The following CACNB2 variants were observed in gnomAD, a reference collection of about 807,000 sequenced individuals.
CACNB2 encodes the protein voltage-dependent L-type calcium channel subunit beta-2.
A neutral mutation model predicts 73.3 loss-of-function variants in CACNB2; 42 were observed. The observed-to-expected ratio is 0.57, with a 90% CI of 0.45 to 0.74. The LOEUF (loss-of-function observed/expected upper bound fraction) is 0.74. Among genes scored for constraint, CACNB2 ranks in the 30% least tolerant of loss-of-function variants. CACNB2 has a pLI of 0.00. For synonymous variants in CACNB2, 348 were observed against 310.3 expected (o/e 1.12, Z -1.28); for missense variants, 940 against 853.0 (o/e 1.10, Z -1.27).
chr10:18,498,207 A>G (rs1345752448), intron 3 of CACNB2, 148 bp from the exon 4 acceptor site: 4 of 928,630 alleles, frequency 4.3e-6, no homozygotes, highest in Non-Finnish European at 6.7e-6. Context: ...TTGAATACGA[A>G]CAAGCTGTTT....
Position 18,223,679 on chromosome 10 carries a change from T to C in CACNB2, c.213+72704T>C, listed in dbSNP as rs190849367. On this transcript the variant is annotated intron_variant, in intron 2 of 13. Coordinates refer to ENST00000324631, the MANE Select transcript of CACNB2 (RefSeq NM_201596.3). ...TGGTAACTAACAAAACATTTAAAAG[T>C]ACTACAGTCTTTTTCTTTCATCACC... 2.6e-5 allele frequency among the ~76,000 whole-genome samples: 4 copies of C among 152,294 alleles called. No homozygotes were observed. In the East Asian group the frequency reaches 7.7e-4, roughly 29 times the overall value.
At chr10:18,185,514 T>C (rs1476073821) in intron 2 of CACNB2, among the ~76,000 whole-genome samples, 1 of 152,210 alleles carries the variant, frequency 6.6e-6, no homozygotes, top group Non-Finnish European at 1.5e-5. Flanking sequence ...CCTGGAAATG[T>C]TGAAAGGAAT....
intron 1 of CACNB2, 100 bp downstream of exon 1, chr10:18,140,956 C>T: frequency 6.6e-7 from 1 of 1,523,534 alleles, no homozygotes; most frequent in Non-Finnish European, 8.8e-7. Flanking sequence ...TCTCTAGCCT[C>T]GCACCTCCTC....
rs2054074655 is a variant in CACNB2, at chr10:18,541,664, C to T, written c.*1940C>T. Reference sequence around the variant, plus strand: ...TCACCTGAGGTCAGGAGTTCAAGACCAGCCTGGCCAACGTGGCGAAACCCC... The same window carrying T: ...TCACCTGAGGTCAGGAGTTCAAGACTAGCCTGGCCAACGTGGCGAAACCCC... On this transcript the variant is annotated 3_prime_UTR_variant, in exon 14 of 14. Coordinates refer to ENST00000324631, the MANE Select transcript of CACNB2 (RefSeq NM_201596.3). The T allele has an allele frequency of 6.6e-6, 1 of 152,006 alleles. No homozygotes were observed. Among genetic ancestry groups the T allele is most frequent in the African/African-American group, 2.4e-5 (1 of 41,386 alleles). The allele number at this position is 152,006 out of a possible 1,614,324, so 9.4% of individuals were successfully genotyped here. A position where few individuals can be genotyped will look rare whatever the true frequency, so the allele number is the denominator to read the frequency against.
intron 3 of CACNB2, among the ~76,000 whole-genome samples, chr10:18,489,225 C>CA (rs1280462272): frequency 6.6e-6 from 1 of 151,550 alleles, no homozygotes; most frequent in African/African-American, 2.4e-5. Context: ...TGTCAAGAAA[C>CA]AAAAAATACA....
At position 18,350,060 on chromosome 10, in the gene CACNB2, A is replaced by G. The variant is rs373329845; in HGVS notation, c.214-51864A>G. Among the ~76,000 whole-genome samples, 6 of 152,112 alleles carry G rather than the reference A, an allele frequency of 3.9e-5. No individual in the cohort carries two copies. In the South Asian group the frequency reaches 6.2e-4, roughly 16 times the overall value. Reference sequence around the variant, plus strand: ...GGAGTTTGAGACCAGCCTGGCCAACATGGTGAAACCCTGTCTCTACTAAAA... The same window carrying G: ...GGAGTTTGAGACCAGCCTGGCCAACGTGGTGAAACCCTGTCTCTACTAAAA... On this transcript the variant is annotated intron_variant, in intron 2 of 13. Transcript: ENST00000324631.
Position 18,151,136 on chromosome 10 carries a change from A to G in CACNB2, c.213+161A>G. Reference sequence around the variant, plus strand: ...TTTAATGTCATAATTAAAATATTTTAATCTTAAGTGAGACTAAGTAATAAT... The same window carrying G: ...TTTAATGTCATAATTAAAATATTTTGATCTTAAGTGAGACTAAGTAATAAT... On this transcript the variant is annotated intron_variant, in intron 2 of 13. Coordinates refer to ENST00000324631, the MANE Select transcript of CACNB2 (RefSeq NM_201596.3). The G allele has an allele frequency of 5.0e-6, 3 of 594,596 alleles. No homozygotes were observed. The South Asian group carries it at 6.6e-5, about 13-fold the overall frequency. The allele number at this position is 594,596 out of a possible 1,614,324, so 36.8% of individuals were successfully genotyped here.
At chr10:18,391,810 C>T (rs1200477733) in intron 2 of CACNB2, among the ~76,000 whole-genome samples, 1 of 151,276 alleles carries the variant, frequency 6.6e-6, no homozygotes, top group Non-Finnish European at 1.5e-5. Context: ...CACCTATAGT[C>T]CCAGCTACTC....
intron 2 of CACNB2, among the ~76,000 whole-genome samples, chr10:18,333,196 C>T (rs2040871015): frequency 6.6e-6 from 1 of 152,094 alleles, no homozygotes; most frequent in South Asian, 2.1e-4. Flanking sequence ...TCGTAATATG[C>T]TTGAATTCAA....
chr10:18,529,244 T>C (rs1419254875), intron 10 of CACNB2, among the ~76,000 whole-genome samples: 1 of 138,100 alleles, frequency 7.2e-6, no homozygotes, highest in East Asian at 1.9e-4. Context: ...ATTGCCAAGA[T>C]TTTTTTTACA....
intron 2 of CACNB2, among the ~76,000 whole-genome samples, chr10:18,165,600 C>T (rs1486192541): frequency 6.6e-6 from 1 of 152,202 alleles, no homozygotes; most frequent in Non-Finnish European, 1.5e-5. Context: ...CTAATAGAGA[C>T]AGTGTCTCAC....
intron 2 of CACNB2, among the ~76,000 whole-genome samples, chr10:18,401,651 T>G (rs1188141112): frequency 6.6e-6 from 1 of 152,218 alleles, no homozygotes; most frequent in Non-Finnish European, 1.5e-5. Flanking sequence ...GCTGTTTAAT[T>G]ATAAAACCAA....
intron 2 of CACNB2, among the ~76,000 whole-genome samples, chr10:18,267,508 A>G (rs2037864727): frequency 6.6e-6 from 1 of 152,184 alleles, no homozygotes; most frequent in Non-Finnish European, 1.5e-5. Context: ...CAGGAGGCTG[A>G]GGCATGAGAA....
At position 18,302,960 on chromosome 10, in the gene CACNB2, C is replaced by G. The variant is rs575666516; in HGVS notation, c.214-98964C>G. ...TGTGTAATCTGTGCTGAACAGAGATCGCATCTCTCTTCATAAAGCTCTTTT... is the reference window on the plus strand; with the variant it reads ...TGTGTAATCTGTGCTGAACAGAGATGGCATCTCTCTTCATAAAGCTCTTTT... On this transcript the variant is annotated intron_variant, in intron 2 of 13. Transcript: ENST00000324631. 6.4e-4 allele frequency among the ~76,000 whole-genome samples: 97 copies of G among 152,274 alleles called. 1 individual carries two copies. Among genetic ancestry groups the G allele is most frequent in the African/African-American group, 2.2e-3 (93 of 41,556 alleles).
intron 3 of CACNB2, among the ~76,000 whole-genome samples, chr10:18,424,856 C>T (rs2045516368): frequency 6.6e-6 from 1 of 152,196 alleles, no homozygotes; most frequent in African/African-American, 2.4e-5. Context: ...GTGGCACAAT[C>T]AATCTGTTCT....
chr10:18,534,333 G>T, intron 11 of CACNB2, 106 bp downstream of exon 11: 1 of 992,752 alleles, frequency 1.0e-6, no homozygotes. Context: ...ATGATGTATA[G>T]AGAATTTGAG....
chr10:18,531,314 T>C (rs1370070334), intron 10 of CACNB2, among the ~76,000 whole-genome samples: 1 of 152,206 alleles, frequency 6.6e-6, no homozygotes, highest in East Asian at 1.9e-4. Flanking sequence ...ACTCACCAGT[T>C]ATTTTTTCCT....
chr10:18,509,123 G>A (rs1347767324), intron 6 of CACNB2, among the ~76,000 whole-genome samples: 1 of 152,184 alleles, frequency 6.6e-6, no homozygotes, highest in African/African-American at 2.4e-5. Context: ...AGGACTCTGA[G>A]ACAATTTTTA....
chr10:18,322,876 ATT>A (rs78454829), intron 2 of CACNB2, among the ~76,000 whole-genome samples: 2 of 142,868 alleles, frequency 1.4e-5, no homozygotes, highest in Non-Finnish European at 1.5e-5. Flanking sequence ...AATATTTTTA[ATT>A]TTTTTTTTTT....
Sources: allele counts gnomAD v4.1 joint callset (sites outside exome capture counted in the v4.1 genomes callset), GRCh38; gene constraint gnomAD v4.1.1; transcripts MANE v1.5; gene names NCBI Gene and HGNC (gene_info 2026-07-23, HGNC 2026-07-21).